Variants in CDH13 observed in about 807,000 individuals in gnomAD.
The protein encoded by CDH13 is cadherin 13.
In CDH13, 24 loss-of-function variants were observed where a neutral mutation model predicts 63.8. The observed-to-expected ratio is 0.38, with a 90% CI of 0.27 to 0.53. The LOEUF (loss-of-function observed/expected upper bound fraction) is 0.53. Ranked by LOEUF, CDH13 falls within the 20% of genes least tolerant of loss-of-function variation. CDH13 has a pLI of 0.85. For synonymous variants in CDH13, 503 were observed against 355.3 expected (o/e 1.42, Z -4.67); for missense variants, 1,049 against 903.1 (o/e 1.16, Z -2.07).
intron 5 of CDH13, among the ~76,000 whole-genome samples, chr16:83,335,268 C>T (rs1407369834): frequency 6.6e-6 from 1 of 152,168 alleles, no homozygotes; most frequent in Non-Finnish European, 1.5e-5. Context: ...TGAGATTCCA[C>T]TACGGTGATC....
chr16:83,425,791 C>T (rs1013061719), intron 6 of CDH13, among the ~76,000 whole-genome samples: 3 of 152,038 alleles, frequency 2.0e-5, no homozygotes, highest in Non-Finnish European at 2.9e-5. Context: ...CTTTCTTCTT[C>T]CTCCTTTACT....
chr16:83,221,544 G>T (rs1254855929), intron 5 of CDH13, among the ~76,000 whole-genome samples: 2 of 152,094 alleles, frequency 1.3e-5, no homozygotes, highest in African/African-American at 4.8e-5. Flanking sequence ...AATATTAGCA[G>T]GTGGTAATGA....
At chr16:82,856,189 A>T (rs932050765) in intron 1 of CDH13, among the ~76,000 whole-genome samples, 6 of 151,780 alleles carry the variant, frequency 4.0e-5, no homozygotes, top group Non-Finnish European at 8.8e-5. Context: ...ATCCTGGCGA[A>T]CACTGTGAAA....
intron 8 of CDH13, among the ~76,000 whole-genome samples, chr16:83,615,846 G>A (rs948611660): frequency 6.6e-6 from 1 of 152,040 alleles, no homozygotes; most frequent in Non-Finnish European, 1.5e-5. Flanking sequence ...TCACATAATC[G>A]AAGAGAGGTT....
chr16:82,828,880 G>T (rs2549155), intron 1 of CDH13, among the ~76,000 whole-genome samples: 8,764 of 152,094 alleles, frequency 0.058, 332 homozygotes, highest in East Asian at 0.14. Context: ...AGGGTATTTT[G>T]GTATTTGAGA....
At chr16:83,168,903 C>A (rs991698245) in intron 4 of CDH13, among the ~76,000 whole-genome samples, 1 of 152,020 alleles carries the variant, frequency 6.6e-6, no homozygotes. Context: ...TTTATTGAAA[C>A]TTTTCCCTAG....
At chr16:82,919,316 G>A (rs936405036) in intron 2 of CDH13, among the ~76,000 whole-genome samples, 1 of 152,120 alleles carries the variant, frequency 6.6e-6, no homozygotes, top group South Asian at 2.1e-4. Flanking sequence ...CTCGTACTAA[G>A]CCTAGTATCC....
intron 3 of CDH13, among the ~76,000 whole-genome samples, chr16:83,088,740 G>A (rs958400556): frequency 6.6e-6 from 1 of 152,138 alleles, no homozygotes; most frequent in Non-Finnish European, 1.5e-5. Flanking sequence ...TTAACATTTT[G>A]TAGAGTAGAA....
intron 6 of CDH13, among the ~76,000 whole-genome samples, chr16:83,373,970 C>G (rs1306734543): frequency 1.3e-5 from 2 of 152,214 alleles, no homozygotes; most frequent in Non-Finnish European, 2.9e-5. Context: ...CCACCACCTT[C>G]TGATCTCCAA....
intron 3 of CDH13, among the ~76,000 whole-genome samples, chr16:83,086,169 A>G (rs544233092): frequency 6.6e-6 from 1 of 152,326 alleles, no homozygotes; most frequent in Non-Finnish European, 1.5e-5. Context: ...CTTCCAGTTC[A>G]CTACATGTTT....
At chr16:83,155,464 T>C (rs1486141815) in intron 4 of CDH13, among the ~76,000 whole-genome samples, 3 of 152,074 alleles carry the variant, frequency 2.0e-5, no homozygotes, top group Non-Finnish European at 4.4e-5. Flanking sequence ...ATGGGGAAAA[T>C]AAAGGATCTC....
In CDH13 at chr16:83,798,784, C is replaced by G. The variant is rs984096931; in HGVS notation, c.*3754C>G. The G allele has an allele frequency of 6.6e-6, 1 of 152,054 alleles. No homozygotes were observed. Among genetic ancestry groups the G allele is most frequent in the African/African-American group, 2.4e-5 (1 of 41,394 alleles). The allele number at this position is 152,054 out of a possible 1,614,324, so 9.4% of individuals were successfully genotyped here. On this transcript the variant is annotated 3_prime_UTR_variant, in exon 14 of 14. Coordinates refer to ENST00000567109, the MANE Select transcript of CDH13 (RefSeq NM_001257.5). The stretch of plus-strand genomic sequence containing the variant: ...ACCTTTTACTATGAGGTACCCTTTA[C>G]TATTAAGTACCTTTTACTAACAGTA...
chr16:83,487,296 A>T (rs944396718), intron 7 of CDH13, among the ~76,000 whole-genome samples: 1 of 152,206 alleles, frequency 6.6e-6, no homozygotes, highest in African/African-American at 2.4e-5. Context: ...ATATCAAAAT[A>T]TTTAGATTTC....
intron 7 of CDH13, among the ~76,000 whole-genome samples, chr16:83,504,509 GACA>G (rs1217745014): frequency 1.3e-5 from 2 of 152,216 alleles, no homozygotes; most frequent in Non-Finnish European, 2.9e-5. Flanking sequence ...AGGCTTTGCT[GACA>G]ACTTCTTCTG....
intron 6 of CDH13, among the ~76,000 whole-genome samples, chr16:83,426,907 CTTTTTTTTTTTT>C (rs71148833): frequency 1.2e-3 from 74 of 63,176 alleles, no homozygotes; most frequent in East Asian, 8.2e-3. Context: ...ATGTTTCTTT[CTTTTTTTTTTTT>C]TTTTTTTTTT....
intron 6 of CDH13, among the ~76,000 whole-genome samples, chr16:83,388,283 GAA>G (rs549786649): frequency 2.0e-4 from 23 of 115,484 alleles, no homozygotes; most frequent in African/African-American, 4.9e-4. Context: ...CCTCTCTCTG[GAA>G]AAAAAAAAAA....
intron 6 of CDH13, among the ~76,000 whole-genome samples, chr16:83,460,025 G>T (rs905135082): frequency 6.6e-6 from 1 of 152,098 alleles, no homozygotes; most frequent in African/African-American, 2.4e-5. Flanking sequence ...TAGGGGATCA[G>T]TAACAAGATT....
At chr16:83,490,689 T>C (rs1349644831) in intron 7 of CDH13, among the ~76,000 whole-genome samples, 6 of 152,140 alleles carry the variant, frequency 3.9e-5, no homozygotes, top group Admixed American at 3.3e-4. Flanking sequence ...CTCAAAGAAA[T>C]ATCTGTTGAG....
intron 1 of CDH13, among the ~76,000 whole-genome samples, chr16:82,828,138 C>G (rs1295432964): frequency 6.6e-6 from 1 of 152,096 alleles, no homozygotes; most frequent in Non-Finnish European, 1.5e-5. Flanking sequence ...TCTATGAGAT[C>G]AAGGTTTTCA....
Sources: allele counts gnomAD v4.1 joint callset (sites outside exome capture counted in the v4.1 genomes callset), GRCh38; gene constraint gnomAD v4.1.1; transcripts MANE v1.5; gene names NCBI Gene and HGNC (gene_info 2026-07-23, HGNC 2026-07-21).